The following OSTF1 variants were observed in gnomAD, a reference collection of about 807,000 sequenced individuals.
The protein encoded by OSTF1 is osteoclast stimulating factor 1, also known as osteoclast-stimulating factor 1.
A neutral mutation model predicts 37.2 loss-of-function variants in OSTF1; 27 were observed. The observed-to-expected ratio is 0.73, with a 90% confidence interval of 0.54 to 1.00. The LOEUF (loss-of-function observed/expected upper bound fraction) is 1.00, where lower values mean the gene tolerates loss of function less well. Among genes scored for constraint, OSTF1 ranks in the 50% least tolerant of loss-of-function variants. The probability of loss-of-function intolerance (pLI) is 0.00; values close to 1 mark genes in which losing one functional copy is unlikely to be tolerated. For missense variants in OSTF1, 232 were observed against 253.8 expected (o/e 0.91, Z 0.58); for synonymous variants, 82 against 89.2 (o/e 0.92, Z 0.46).
chr9:75,142,290 C>T (rs962991711), intron 9 of OSTF1, among the ~76,000 whole-genome samples: 1 of 152,062 alleles, frequency 6.6e-6, no homozygotes, highest in Non-Finnish European at 1.5e-5. Context: ...GATTGAGAAG[C>T]CATATTTGCA....
At chr9:75,102,662 C>T (rs368897316) in intron 1 of OSTF1, among the ~76,000 whole-genome samples, 15 of 152,182 alleles carry the variant, frequency 9.9e-5, no homozygotes, top group East Asian at 3.9e-4. Context: ...CATTCTTAGA[C>T]CCCGCTTCCT....
At chr9:75,140,953 T>C (rs746678019) in intron 9 of OSTF1, 21 bp downstream of exon 9, 11 of 1,511,388 alleles carry the variant, frequency 7.3e-6, no homozygotes, top group Non-Finnish European at 8.3e-6. Context: ...TAAATTCTTC[T>C]TTCTCCTCTG....
intron 2 of OSTF1, among the ~76,000 whole-genome samples, chr9:75,120,166 C>A (rs1375198815): frequency 6.6e-6 from 1 of 152,080 alleles, no homozygotes; most frequent in Admixed American, 6.5e-5. Flanking sequence ...CCCCCATAAG[C>A]CCATCGTAAA....
At chr9:75,129,020 G>A (rs1169992642) in intron 3 of OSTF1, among the ~76,000 whole-genome samples, 1 of 152,064 alleles carries the variant, frequency 6.6e-6, no homozygotes, top group Non-Finnish European at 1.5e-5. Flanking sequence ...GGCAGCAGAG[G>A]TACAAGATAA....
chr9:75,102,314 T>C (rs1257959883), intron 1 of OSTF1, among the ~76,000 whole-genome samples: 1 of 152,192 alleles, frequency 6.6e-6, no homozygotes, highest in African/African-American at 2.4e-5. Flanking sequence ...AAACAGTGGA[T>C]GCACACATTG....
chr9:75,117,109 G>T (rs1344375169), intron 1 of OSTF1, among the ~76,000 whole-genome samples: 2 of 152,106 alleles, frequency 1.3e-5, no homozygotes, highest in Admixed American at 6.5e-5. Context: ...ATATTCATGG[G>T]CTACATAGTG....
intron 7 of OSTF1, 126 bp from the exon 8 acceptor site, chr9:75,137,412 G>T: frequency 1.6e-6 from 1 of 616,936 alleles, no homozygotes; most frequent in South Asian, 2.0e-5. Context: ...AATTTTATGT[G>T]GTTCTATAAC....
At position 75,092,990 on chromosome 9, in the gene OSTF1, A is replaced by G. The variant is rs574056677; in HGVS notation, c.34+4264A>G. 4.0e-5 allele frequency among the ~76,000 whole-genome samples: 6 copies of G among 150,710 alleles called. 1 individual carries two copies. In the East Asian group the frequency reaches 1.2e-3, roughly 30 times the overall value. On this transcript the variant is annotated intron_variant, in intron 1 of 9. Coordinates refer to ENST00000346234, the MANE Select transcript of OSTF1 (RefSeq NM_012383.5). ...TGGTACTCTACTAAGATGTGTTGCA[A>G]TTTCGTGGTCTTCAGCTCATTCTTT... is the stretch of plus-strand genomic sequence containing the variant.
chr9:75,145,096 T>C (rs974910331), intron 9 of OSTF1, among the ~76,000 whole-genome samples: 5 of 152,180 alleles, frequency 3.3e-5, no homozygotes, highest in Non-Finnish European at 7.4e-5. Flanking sequence ...TTAGGTTCAT[T>C]CTATCAATCA....
chr9:75,097,320 C>G (rs1825104710), intron 1 of OSTF1, among the ~76,000 whole-genome samples: 2 of 152,240 alleles, frequency 1.3e-5, no homozygotes, highest in Admixed American at 6.5e-5. Flanking sequence ...TCAGGGAACC[C>G]TTCCCATCTG....
chr9:75,126,591 G>GTTTGT (rs960824137), intron 2 of OSTF1, among the ~76,000 whole-genome samples: 25 of 152,074 alleles, frequency 1.6e-4, no homozygotes, highest in African/African-American at 5.3e-4. Flanking sequence ...TTGTTTGTTT[G>GTTTGT]TTTGTTTTGT....
chr9:75,088,778 G>T lies in OSTF1; in HGVS notation c.34+52G>T, dbSNP rs114786753. 6.0e-4 allele frequency: 926 copies of T among 1,549,934 alleles called. 6 individuals are homozygous for T. The African/African-American group carries it at 0.011, about 19-fold the overall frequency. Reference sequence around the variant, plus strand: ...CAGGTCCTGCGACCGCCGCGGTGCCGGCGCCTCCTCTGCAGCTTGGCAGGG... The same window carrying T: ...CAGGTCCTGCGACCGCCGCGGTGCCTGCGCCTCCTCTGCAGCTTGGCAGGG... On this transcript the variant is annotated intron_variant, in intron 1 of 9. Transcript: ENST00000346234.
chr9:75,106,977 G>GAAAAAA (rs948136322), intron 1 of OSTF1, among the ~76,000 whole-genome samples: 1 of 105,374 alleles, frequency 9.5e-6, no homozygotes, highest in African/African-American at 3.5e-5. Context: ...AAAAGAAAAA[G>GAAAAAA]AAAAAAAAAG....
chr9:75,114,969 G>T (rs1825456192), intron 1 of OSTF1, among the ~76,000 whole-genome samples: 1 of 152,190 alleles, frequency 6.6e-6, no homozygotes, highest in African/African-American at 2.4e-5. Context: ...AGGCACTCGG[G>T]TGTCTCATTC....
intron 1 of OSTF1, among the ~76,000 whole-genome samples, chr9:75,103,437 AG>A (rs1296355339): frequency 2.0e-5 from 3 of 152,250 alleles, no homozygotes; most frequent in Non-Finnish European, 4.4e-5. Context: ...TATGACTCAT[AG>A]TTCTACCACT....
At position 75,146,911 on chromosome 9, in the gene OSTF1, C is replaced by T. The variant is rs1587485892; in HGVS notation, c.*170C>T. ...ATGAATTGTTCCCACCTTTGGTTTG[C>T]CAGTAAGTGACTGGATTCTTGGCAC... is the stretch of plus-strand genomic sequence containing the variant. On this transcript the variant is annotated 3_prime_UTR_variant, in exon 10 of 10. Transcript: ENST00000346234. 4.5e-5 allele frequency: 21 copies of T among 465,386 alleles called. No homozygotes were observed. In the East Asian group the frequency reaches 7.7e-4, roughly 17 times the overall value. 28.8% of individuals were successfully genotyped at this position (465,386 alleles called of 1,614,324 possible).
intron 8 of OSTF1, among the ~76,000 whole-genome samples, chr9:75,139,128 C>T (rs1165637236): frequency 1.3e-5 from 2 of 149,516 alleles, no homozygotes; most frequent in Non-Finnish European, 3.0e-5. Context: ...TTGCAACCTC[C>T]GCCTCCAGGG....
At chr9:75,096,516 A>G (rs942660269) in intron 1 of OSTF1, among the ~76,000 whole-genome samples, 1 of 152,184 alleles carries the variant, frequency 6.6e-6, no homozygotes, top group Non-Finnish European at 1.5e-5. Context: ...AACTCAGTTT[A>G]TACTCATGCT....
chr9:75,116,532 A>G (rs1393300353), intron 1 of OSTF1, among the ~76,000 whole-genome samples: 1 of 151,592 alleles, frequency 6.6e-6, no homozygotes, highest in Admixed American at 6.6e-5. Context: ...AAGGAGGACA[A>G]CTCAGGCATG....
Sources: gnomAD v4.1 joint callset for allele counts (sites outside exome capture counted in the v4.1 genomes callset) on GRCh38, gnomAD v4.1.1 for gene constraint, MANE v1.5 for transcripts, NCBI Gene and HGNC (gene_info 2026-07-23, HGNC 2026-07-21) for gene names.